Variants in MYO9B observed in about 807,000 individuals in gnomAD.
MYO9B encodes myosin IXB.
In MYO9B, 71 loss-of-function variants were observed where a neutral mutation model predicts 229.5. That is an observed-to-expected ratio of 0.31 (90% CI 0.26 to 0.38). MYO9B has a LOEUF of 0.38. Ranked by LOEUF, MYO9B falls within the 10% of genes least tolerant of loss-of-function variation. MYO9B has a pLI of 1.00. For missense variants in MYO9B, 2,255 were observed against 2,920.5 expected (o/e 0.77, Z 5.25); for synonymous variants, 1,185 against 1,235.8 (o/e 0.96, Z 0.86).
chr19:17,187,543 C>CT (rs60447425), intron 18 of MYO9B, among the ~76,000 whole-genome samples: 21 of 147,454 alleles, frequency 1.4e-4, no homozygotes, highest in South Asian at 6.4e-4. Context: ...CATTTGGGTT[C>CT]TTTTTTTTTT....
At chr19:17,104,139 AGGCT>A (rs1351032929) in intron 2 of MYO9B, among the ~76,000 whole-genome samples, 1 of 152,090 alleles carries the variant, frequency 6.6e-6, no homozygotes, top group Admixed American at 6.6e-5. Flanking sequence ...CTGAAAGAAA[AGGCT>A]GGTGTATTCA....
At position 17,125,305 on chromosome 19, in the gene MYO9B, C is replaced by T. The variant is rs578224134; in HGVS notation, c.841-20092C>T. Among the ~76,000 whole-genome samples, 5 of 138,886 alleles carry T rather than the reference C, an allele frequency of 3.6e-5. No individual in the cohort carries two copies. The East Asian group carries it at 8.3e-4, about 23-fold the overall frequency. The allele number at this position is 138,886 out of a possible 152,430, so 91.1% of individuals were successfully genotyped here. A position where few individuals can be genotyped will look rare whatever the true frequency, so the allele number is the denominator to read the frequency against. On this transcript the variant is annotated intron_variant, in intron 2 of 39. Transcript: ENST00000682292. ...AACAGAGTAAAACCCCATCCCCCCC[C>T]CCCCAAAAAAAGGGTAAGATGAGCC...
intron 1 of MYO9B, among the ~76,000 whole-genome samples, chr19:17,093,594 C>G (rs1460368038): frequency 6.6e-6 from 1 of 150,744 alleles, no homozygotes; most frequent in Admixed American, 6.7e-5. Flanking sequence ...AAGGGCTGAA[C>G]TTTTGAATAC....
intron 2 of MYO9B, among the ~76,000 whole-genome samples, chr19:17,106,999 G>T (rs1276440001): frequency 5.3e-5 from 8 of 152,190 alleles, no homozygotes; most frequent in African/African-American, 1.4e-4. Flanking sequence ...GGAGGTGGAG[G>T]TTGCAGTGAG....
intron 2 of MYO9B, among the ~76,000 whole-genome samples, chr19:17,141,095 C>A (rs1349179512): frequency 7.1e-6 from 1 of 141,034 alleles, no homozygotes; most frequent in South Asian, 2.2e-4. Context: ...CAGAGCAAGA[C>A]CCTGTCTCAG....
chr19:17,143,514 T>C (rs2072368166), intron 2 of MYO9B, among the ~76,000 whole-genome samples: 1 of 152,064 alleles, frequency 6.6e-6, no homozygotes, highest in African/African-American at 2.4e-5. Context: ...ACACCTAATA[T>C]TGCATGTTCT....
At chr19:17,119,586 C>CT (rs2057941092) in intron 2 of MYO9B, among the ~76,000 whole-genome samples, 1 of 152,124 alleles carries the variant, frequency 6.6e-6, no homozygotes, top group African/African-American at 2.4e-5. Context: ...GTAATCCCAG[C>CT]ACTTCAGGAG....
chr19:17,178,084 T>TG (rs2072810964), intron 14 of MYO9B, among the ~76,000 whole-genome samples: 2 of 152,202 alleles, frequency 1.3e-5, no homozygotes, highest in Admixed American at 6.5e-5. Context: ...GCCAAAGTCA[T>TG]GGGCCTCATT....
intron 13 of MYO9B, 123 bp downstream of exon 13, chr19:17,173,086 C>T: frequency 8.6e-7 from 1 of 1,163,088 alleles, no homozygotes; most frequent in Non-Finnish European, 1.2e-6. Flanking sequence ...CAAACGCCAC[C>T]TGTCTACCTG....
Position 17,184,873 on chromosome 19 carries a change from G to A in MYO9B, c.2382G>A (p.Leu794=), listed in dbSNP as rs369941041. The change falls in exon 17 of 40, where the codon CTG becomes CTA. Residue 794 remains leucine, a synonymous_variant. Transcript: ENST00000682292. The part of the protein sequence containing the change: ...KQKQIIPKNL[L]DSKSLKLIIS... ...CCATGTGTCTGTCCTAGAACCTACT[G>A]GACTCCAAGTCCCTGAAACTCATCA... 6.9e-5 allele frequency: 112 copies of A among 1,613,676 alleles called. 1 individual carries two copies. Among genetic ancestry groups the A allele is most frequent in the Non-Finnish European group, 6.7e-5 (79 of 1,179,796 alleles).
chr19:17,112,860 A>G (rs1351265073), intron 2 of MYO9B, among the ~76,000 whole-genome samples: 1 of 152,228 alleles, frequency 6.6e-6, no homozygotes, highest in Non-Finnish European at 1.5e-5. Context: ...GCTGTTGGCC[A>G]TACAGGGAGG....
At chr19:17,143,660 G>T (rs112501363) in intron 2 of MYO9B, among the ~76,000 whole-genome samples, 1 of 151,222 alleles carries the variant, frequency 6.6e-6, no homozygotes, top group African/African-American at 2.4e-5. Flanking sequence ...AGTGGCTCAC[G>T]CCTGTAAATC....
At chr19:17,094,803 G>A (rs1232274604) in intron 1 of MYO9B, among the ~76,000 whole-genome samples, 1 of 152,022 alleles carries the variant, frequency 6.6e-6, no homozygotes, top group Non-Finnish European at 1.5e-5. Flanking sequence ...TTAGGCAGGC[G>A]TGGTGGCATG....
At chr19:17,080,980 AT>A (rs1265799019) in intron 1 of MYO9B, among the ~76,000 whole-genome samples, 7 of 152,294 alleles carry the variant, frequency 4.6e-5, no homozygotes, top group Admixed American at 1.3e-4. Context: ...AGCTCAGCCC[AT>A]AATACTGAGA....
Position 17,187,976 on chromosome 19 carries a change from G to A in MYO9B, c.2619G>A (p.Leu873=), listed in dbSNP as rs370919961. 5 of 1,600,586 alleles carry A rather than the reference G, an allele frequency of 3.1e-6. No individual in the cohort carries two copies. The highest frequency in any genetic ancestry group is 3.4e-6 in the Non-Finnish European group (4 of 1,173,792). Residue 873 remains leucine (L), a synonymous_variant, in exon 19 of 40, where the codon CTG becomes CTA. Coordinates refer to ENST00000682292, the MANE Select transcript of MYO9B (RefSeq NM_004145.4). The part of the protein sequence containing the change: ...CFDDELVLQQ[L]RYTGMLETVR... ...ACGACGAGCTGGTCCTGCAGCAGCT[G>A]CGCTACACCGGCATGCTGGAGACCG...
chr19:17,202,773 G>A, intron 28 of MYO9B, 69 bp from the exon 29 acceptor site: 3 of 1,483,836 alleles, frequency 2.0e-6, no homozygotes, highest in East Asian at 2.5e-5. Flanking sequence ...TGAGTTATGG[G>A]GTGCCAGGGG....
chr19:17,172,471 G>A lies in MYO9B; in HGVS notation c.1929G>A (p.Gln643=). The A allele has an allele frequency of 6.2e-7, 1 of 1,613,522 alleles. No individual in the cohort carries two copies. Among genetic ancestry groups the A allele is most frequent in the Non-Finnish European group, 8.5e-7 (1 of 1,179,698 alleles). Residue 643 remains glutamine (Q), a synonymous_variant, in exon 12 of 40, where the codon CAG becomes CAA. Transcript: ENST00000682292. The surrounding 1 kb of genome is among the most constrained non-coding windows in gnomAD (Gnocchi z 8.2). ...IQHFAGKVKY[Q]IKDFREKNMD... ...ACTTCGCAGGGAAGGTGAAATATCAGATCAAGGTAGGTGTCTGCCCATCAC... is the reference window on the plus strand; with the variant it reads ...ACTTCGCAGGGAAGGTGAAATATCAAATCAAGGTAGGTGTCTGCCCATCAC...
At chr19:17,187,584 A>ATT (rs1171667298) in intron 18 of MYO9B, among the ~76,000 whole-genome samples, 77,595 of 148,422 alleles carry the variant, frequency 0.52, 21,864 homozygotes, top group East Asian at 0.73. Flanking sequence ...TTTTTTTTAA[A>ATT]AAATAAATTT....
Position 17,200,732 on chromosome 19 carries a change from G to C in MYO9B, c.4466G>C (p.Gly1489Ala). 4 of 1,614,056 alleles carry C rather than the reference G, an allele frequency of 2.5e-6. No individual in the cohort carries two copies. The highest frequency in any genetic ancestry group is 3.4e-6 in the Non-Finnish European group (4 of 1,179,904). ...KGKKNRNVKI[G>A]KITVSEKWRE... Reference sequence around the variant, plus strand: ...AAGAAGAACCGAAATGTCAAGATTGGGAAGATCACAGTGTCAGAGAAGTGG... The same window carrying C: ...AAGAAGAACCGAAATGTCAAGATTGCGAAGATCACAGTGTCAGAGAAGTGG... Residue 1489 changes from glycine (G) to alanine (A), a missense_variant, in exon 26 of 40, where the codon GGG (glycine) becomes GCG (alanine). Gly to Ala is a moderately conservative substitution (Grantham distance 60, BLOSUM62 0). This residue lies in a region of MYO9B where 416 missense variants were observed against 605.5 expected (regional missense o/e 0.69). Coordinates refer to ENST00000682292, the MANE Select transcript of MYO9B (RefSeq NM_004145.4).
Sources: gnomAD v4.1 joint callset for allele counts (sites outside exome capture counted in the v4.1 genomes callset) on GRCh38, gnomAD v4.1.1 for gene constraint, gnomAD v4.1.1 regional missense constraint, Gnocchi (gnomAD v3.1) non-coding constraint, MANE v1.5 for transcripts, NCBI Gene and HGNC (gene_info 2026-07-23, HGNC 2026-07-21) for gene names.